Variants in NEGR1 observed in about 807,000 individuals in gnomAD.
NEGR1 encodes the protein neuronal growth regulator 1.
A neutral mutation model predicts 40.9 loss-of-function variants in NEGR1; 10 were observed. That is an observed-to-expected ratio of 0.24 (90% CI 0.15 to 0.42). The LOEUF is 0.42. Among genes scored for constraint, NEGR1 ranks in the 10% least tolerant of loss-of-function variants. The pLI is 1.00. For missense variants in NEGR1, 352 were observed against 438.9 expected (o/e 0.80, Z 1.77); for synonymous variants, 185 against 166.8 (o/e 1.11, Z -0.84).
intron 6 of NEGR1, among the ~76,000 whole-genome samples, chr1:71,576,275 TCTC>T (rs1318075898): frequency 6.6e-6 from 1 of 152,204 alleles, no homozygotes; most frequent in Non-Finnish European, 1.5e-5. Context: ...TTGTTGTTGT[TCTC>T]CTCTTCTCAG....
chr1:72,096,989 T>C (rs1383034774), intron 1 of NEGR1, among the ~76,000 whole-genome samples: 2 of 152,154 alleles, frequency 1.3e-5, no homozygotes, highest in Non-Finnish European at 2.9e-5. Flanking sequence ...GCTGTAGTTA[T>C]ATCTTTTAAA....
chr1:71,636,921 C>T (rs904324215), intron 4 of NEGR1, among the ~76,000 whole-genome samples: 36 of 151,830 alleles, frequency 2.4e-4, no homozygotes, highest in Admixed American at 2.0e-3. Flanking sequence ...TTTGAAGTCA[C>T]GGGAAAGACT....
intron 2 of NEGR1, among the ~76,000 whole-genome samples, chr1:71,792,011 A>G (rs1449794515): frequency 2.0e-5 from 3 of 152,120 alleles, no homozygotes; most frequent in Admixed American, 6.6e-5. Flanking sequence ...CTTGGTAGAA[A>G]CAAGATTAAA....
At position 71,454,952 on chromosome 1, in the gene NEGR1, T is replaced by TG. The variant is rs1257373722; in HGVS notation, c.941-47383dup. Among the ~76,000 whole-genome samples, 3 of 152,316 alleles carry TG rather than the reference T, an allele frequency of 2.0e-5. No homozygotes were observed. In the East Asian group the frequency reaches 5.8e-4, roughly 29 times the overall value. ...CCTTCTCCAGCCCTAACCTGGGGGT[T>TG]GGCATACTCCACAGGCTTGGCCAGG... On this transcript the variant is annotated intron_variant, in intron 6 of 6. Transcript: ENST00000357731.
rs1646278781 is a variant in NEGR1, at chr1:71,406,483, T to A, written c.*963A>T. 6.6e-6 allele frequency: 1 copy of A among 152,028 alleles called. No homozygotes were observed. Among genetic ancestry groups the A allele is most frequent in the South Asian group, 2.1e-4 (1 of 4,832 alleles). The allele number at this position is 152,028 out of a possible 1,614,324, so 9.4% of individuals were successfully genotyped here. ...GGCTTGGACTAGTGAAAGGAAAAGA[T>A]GCTGTATTGCTAGGCAATCCTTTGA... On this transcript the variant is annotated 3_prime_UTR_variant, in exon 7 of 7. Coordinates refer to ENST00000357731, the MANE Select transcript of NEGR1 (RefSeq NM_173808.3).
intron 1 of NEGR1, among the ~76,000 whole-genome samples, chr1:72,114,843 T>C (rs1302080682): frequency 6.6e-6 from 1 of 151,826 alleles, no homozygotes; most frequent in South Asian, 2.1e-4. Flanking sequence ...ACTGCTCACA[T>C]AGGAGTTATG....
At chr1:72,034,597 T>A (rs1038893909) in intron 1 of NEGR1, among the ~76,000 whole-genome samples, 1 of 152,088 alleles carries the variant, frequency 6.6e-6, no homozygotes, top group African/African-American at 2.4e-5. Flanking sequence ...CCATAAGAAA[T>A]TGAAATATTA....
chr1:71,788,374 T>C (rs1192518870), intron 2 of NEGR1, among the ~76,000 whole-genome samples: 2 of 152,098 alleles, frequency 1.3e-5, no homozygotes, highest in Non-Finnish European at 2.9e-5. Flanking sequence ...TGACATTAAC[T>C]ATATTATATT....
intron 1 of NEGR1, among the ~76,000 whole-genome samples, chr1:72,085,863 GGGA>G (rs1457073424): frequency 6.6e-6 from 1 of 151,264 alleles, no homozygotes; most frequent in Non-Finnish European, 1.5e-5. Flanking sequence ...CCAGCTACTC[GGGA>G]GGCTGAGGGA....
chr1:71,957,582 A>G (rs1039828513), intron 1 of NEGR1, among the ~76,000 whole-genome samples: 11 of 152,208 alleles, frequency 7.2e-5, no homozygotes, highest in Non-Finnish European at 1.3e-4. Flanking sequence ...GTATATAGCA[A>G]TTAAGGCCTT....
intron 4 of NEGR1, among the ~76,000 whole-genome samples, chr1:71,684,320 A>G (rs541579447): frequency 1.1e-3 from 171 of 152,196 alleles, no homozygotes; most frequent in South Asian, 3.5e-3. Context: ...TATTATTAAA[A>G]TTATTTTATC....
chr1:72,224,637 G>A (rs778661533), intron 1 of NEGR1, among the ~76,000 whole-genome samples: 26 of 151,972 alleles, frequency 1.7e-4, no homozygotes, highest in Admixed American at 1.2e-3. Context: ...AGGTTACTCA[G>A]GTAGAGTATT....
intron 1 of NEGR1, among the ~76,000 whole-genome samples, chr1:72,102,451 T>A (rs1008814228): frequency 1.3e-5 from 2 of 152,002 alleles, no homozygotes; most frequent in African/African-American, 4.8e-5. Flanking sequence ...GGAAATAACA[T>A]ATGCTATAAC....
chr1:71,771,657 C>A (rs1276696628), intron 3 of NEGR1, among the ~76,000 whole-genome samples: 2 of 125,468 alleles, frequency 1.6e-5, no homozygotes, highest in Non-Finnish European at 3.2e-5. Flanking sequence ...CGAGATTGTG[C>A]CATTGCACTC....
chr1:71,507,786 A>G (rs901902420), intron 6 of NEGR1, among the ~76,000 whole-genome samples: 6 of 152,220 alleles, frequency 3.9e-5, no homozygotes, highest in Admixed American at 3.9e-4. Context: ...TAAAAGGTTT[A>G]CAAATTAGAT....
In NEGR1 at chr1:71,544,331, A is replaced by T. The variant is rs1442207276; in HGVS notation, c.940+48486T>A. Among the ~76,000 whole-genome samples the T allele has an allele frequency of 2.6e-5, 4 of 151,712 alleles. No individual in the cohort carries two copies. The South Asian group carries it at 6.2e-4, about 24-fold the overall frequency. On this transcript the variant is annotated intron_variant, in intron 6 of 6. Coordinates refer to ENST00000357731, the MANE Select transcript of NEGR1 (RefSeq NM_173808.3). ...GAGGCTGCAAACCTTGGGTTTGGGA[A>T]CAGGTACTGTCATTTACTAGTTTGG...
At chr1:71,807,886 A>G (rs1215086129) in intron 2 of NEGR1, among the ~76,000 whole-genome samples, 1 of 152,184 alleles carries the variant, frequency 6.6e-6, no homozygotes, top group Non-Finnish European at 1.5e-5. Context: ...TTTCATAAAT[A>G]TAAAAATGCA....
chr1:72,083,614 C>T (rs1368387325), intron 1 of NEGR1, among the ~76,000 whole-genome samples: 1 of 152,002 alleles, frequency 6.6e-6, no homozygotes, highest in Non-Finnish European at 1.5e-5. Context: ...AAATATTGTC[C>T]CATTTTATTT....
At chr1:71,852,897 G>C (rs993207514) in intron 2 of NEGR1, among the ~76,000 whole-genome samples, 6 of 145,322 alleles carry the variant, frequency 4.1e-5, no homozygotes, top group Non-Finnish European at 7.5e-5. Context: ...GAGAAAGAAT[G>C]GTAAAACTAA....
Sources: gnomAD v4.1 joint callset for allele counts (sites outside exome capture counted in the v4.1 genomes callset) on GRCh38, gnomAD v4.1.1 for gene constraint, MANE v1.5 for transcripts, NCBI Gene and HGNC (gene_info 2026-07-23, HGNC 2026-07-21) for gene names.